Variants in PSMD6 observed in about 807,000 individuals in gnomAD.
The protein encoded by PSMD6 is 26S proteasome non-ATPase regulatory subunit 6.
Under a neutral mutation model 44.9 loss-of-function variants are expected in PSMD6, and 7 were observed. The ratio of observed to expected loss-of-function variants is 0.16; its 90% CI spans 0.09 to 0.29. The LOEUF (loss-of-function observed/expected upper bound fraction) is 0.29. Among genes scored for constraint, PSMD6 ranks in the 10% least tolerant of loss-of-function variants. The pLI, the probability that PSMD6 is intolerant of heterozygous loss-of-function variation, is 1.00. For synonymous variants in PSMD6, 184 were observed against 172.7 expected, an observed-to-expected ratio of 1.07 and a Z score of -0.51; for missense variants, 420 against 482.6, an observed-to-expected ratio of 0.87 and a Z score of 1.21.
chr3:64,011,566 T>TAAAACAAGGCCTTTTTAGGTAA (rs2075952136), intron 6 of PSMD6: 1 of 151,998 alleles, frequency 6.6e-6, no homozygotes, highest in Non-Finnish European at 1.5e-5. Flanking sequence ...CACAGAAATT[T>TAAAACAAGGCCTTTTTAGGTAA]AAAACAAGGC....
chr3:64,023,703 T>A, upstream of PSMD6: 4 of 1,482,694 alleles, frequency 2.7e-6, no homozygotes, highest in Non-Finnish European at 3.6e-6. Context: ...AATCTCTTTC[T>A]CACTCCCTTT....
chr3:64,013,727 C>T lies in PSMD6; in HGVS notation c.827-120G>A. The T allele has an allele frequency of 4.5e-6, 4 of 889,682 alleles. No individual in the cohort carries two copies. The South Asian group carries it at 9.1e-5, about 20-fold the overall frequency. The allele number at this position is 889,682 out of a possible 1,614,324, so 55.1% of individuals were successfully genotyped here. On this transcript the variant is annotated intron_variant, in intron 5 of 7. Transcript: ENST00000295901. ...AGATGAACAAGTATCAAATTTCTCACTGCCCTTCCACATCATGTCATCAAC... is the reference window on the plus strand; with the variant it reads ...AGATGAACAAGTATCAAATTTCTCATTGCCCTTCCACATCATGTCATCAAC...
chr3:64,023,144 A>G, intron 1 of PSMD6, 131 bp downstream of exon 1: 2 of 1,423,942 alleles, frequency 1.4e-6, no homozygotes, highest in Non-Finnish European at 1.8e-6. Context: ...TAAGGGCCGG[A>G]GAAGCCAGGC....
intron 1 of PSMD6, 173 bp from the exon 2 acceptor site, chr3:64,022,696 C>A: frequency 1.3e-6 from 2 of 1,537,004 alleles, no homozygotes; most frequent in Non-Finnish European, 1.7e-6. Context: ...TAAACGTATG[C>A]TGGTGGGAGG....
upstream of PSMD6, chr3:64,023,706 C>A: frequency 6.7e-7 from 1 of 1,483,862 alleles, no homozygotes; most frequent in Non-Finnish European, 9.0e-7. Flanking sequence ...CTCTTTCTCA[C>A]TCCCTTTTTA....
Position 64,013,571 on chromosome 3 carries a change from A to G in PSMD6, c.863T>C (p.Phe288Ser), listed in dbSNP as rs2075996141. Residue 288 changes from phenylalanine to serine, a missense_variant, in exon 6 of 8, where the codon TTT becomes TCT. Physicochemically the swap from Phe to Ser is radical, Grantham distance 155. Transcript: ENST00000295901. ...TACATAGTATCGATAATGAGGGGCAAAAAGCCAGTCCTTTTTCATTTCCTG... is the reference window on the plus strand; with the variant it reads ...TACATAGTATCGATAATGAGGGGCAGAAAGCCAGTCCTTTTTCATTTCCTG... ...VEQEMKKDWLFAPHYRYYVRE... is the reference protein window; with the variant it reads ...VEQEMKKDWLSAPHYRYYVRE... The G allele has an allele frequency of 6.2e-7, 1 of 1,611,336 alleles. No individual in the cohort carries two copies. The highest frequency in any genetic ancestry group is 8.5e-7 in the Non-Finnish European group (1 of 1,179,196).
chr3:64,013,115 T>TA (rs2075988046), intron 6 of PSMD6: 1 of 201,490 alleles, frequency 5.0e-6, no homozygotes, highest in East Asian at 1.2e-4. Context: ...ATATCAGATC[T>TA]AAGAGTCATT....
intron 6 of PSMD6, chr3:64,011,239 T>C: frequency 7.4e-6 from 2 of 268,972 alleles, no homozygotes; most frequent in Non-Finnish European, 1.4e-5. Flanking sequence ...TAGGAAAAAT[T>C]AGGGACCAAA....
intron 1 of PSMD6, 65 bp from the exon 2 acceptor site, chr3:64,022,588 C>G (rs985168476): frequency 1.2e-5 from 19 of 1,576,382 alleles, no homozygotes; most frequent in Non-Finnish European, 1.6e-5. Flanking sequence ...AGTCTGCCCA[C>G]GTATTTCACC....
intron 2 of PSMD6, 42 bp from the exon 3 acceptor site, chr3:64,019,483 GTTTCC>G: frequency 6.3e-7 from 1 of 1,578,142 alleles, no homozygotes; most frequent in Admixed American, 2.0e-5. Context: ...AAGGCTACAA[GTTTCC>G]AAAAAAAGCT....
chr3:64,017,139 G>A (rs1227084652), intron 5 of PSMD6: 1 of 152,378 alleles, frequency 6.6e-6, no homozygotes, highest in Non-Finnish European at 1.5e-5. Context: ...TGGTTGCCAG[G>A]GGCTGGGGGA....
intron 6 of PSMD6, 185 bp downstream of exon 6, chr3:64,013,254 A>AGACAT (rs1329026296): frequency 5.7e-6 from 3 of 529,272 alleles, no homozygotes; most frequent in Non-Finnish European, 6.5e-6. Flanking sequence ...TGCAAGGGGC[A>AGACAT]GACATGACAT....
intron 2 of PSMD6, 78 bp from the exon 3 acceptor site, chr3:64,019,519 T>C (rs112992441): frequency 6.8e-7 from 1 of 1,480,962 alleles, no homozygotes; most frequent in South Asian, 1.3e-5. Flanking sequence ...TGGGATTTTC[T>C]TCAAAGGTTG....
At position 64,018,973 on chromosome 3, in the gene PSMD6, A is replaced by G. The variant is rs1431860186; in HGVS notation, c.562T>C (p.Cys188Arg). 1 of 1,612,912 alleles carries G rather than the reference A, an allele frequency of 6.2e-7. No individual in the cohort carries two copies. Among genetic ancestry groups the G allele is most frequent in the Admixed American group, 1.7e-5 (1 of 60,008 alleles). ...TGTTTGAAATCACGAATAGCCACAC[A>G]ATAAAGACCCTGATACACTTTTAGG... Reference protein sequence around the residue: ...NRLKVYQGLYCVAIRDFKQAA... With the variant: ...NRLKVYQGLYRVAIRDFKQAA... The change falls in exon 4 of 8, where the codon TGT (cysteine) becomes CGT (arginine). Residue 188 changes from cysteine (C) to arginine (R), a missense_variant. By Grantham distance (180) the Cys-to-Arg change is radical (BLOSUM62 -3). Around this residue, in one of 4 missense-constraint regions of PSMD6, gnomAD observed 216 missense variants for 227.0 expected, o/e 0.95. Transcript: ENST00000295901.
chr3:64,023,250 G>A (rs1305601216), intron 1 of PSMD6, 25 bp downstream of exon 1: 2 of 1,545,638 alleles, frequency 1.3e-6, no homozygotes, highest in Non-Finnish European at 1.7e-6. Context: ...CTAGGCCGCT[G>A]ACTCGGCGCT....
In PSMD6 at chr3:64,010,878, C is replaced by CTGTT. The variant is rs1559671700; in HGVS notation, c.1069_1072dup (p.Arg358LysfsTer4). On this transcript the variant is annotated frameshift_variant and splice_region_variant, in exon 7 of 8. Transcript: ENST00000295901. LOFTEE classifies it high-confidence loss of function. ...CCCTTATTCTGAGAAATGAGAGTAC[C>CTGTT]TGTTGGTTTCTACTATTTCATTCAC... The CTGTT allele has an allele frequency of 6.2e-7, 1 of 1,605,432 alleles. No homozygotes were observed. The highest frequency in any genetic ancestry group is 8.5e-7 in the Non-Finnish European group (1 of 1,173,600).
chr3:64,016,262 A>G (rs1559675504), intron 5 of PSMD6: 1 of 152,150 alleles, frequency 6.6e-6, no homozygotes, highest in South Asian at 2.1e-4. Context: ...CTCAGGAAAA[A>G]TTTTATATGT....
At chr3:64,022,602 C>T (rs1479462239) in intron 1 of PSMD6, 79 bp from the exon 2 acceptor site, 1 of 1,541,578 alleles carries the variant, frequency 6.5e-7, no homozygotes, top group Non-Finnish European at 8.7e-7. Flanking sequence ...TTTCACCCCC[C>T]GCCCCGCCAC....
intron 5 of PSMD6, chr3:64,017,644 G>C (rs2076068460): frequency 6.6e-6 from 1 of 152,172 alleles, no homozygotes; most frequent in African/African-American, 2.4e-5. Flanking sequence ...CGGGAAACCT[G>C]TTCCTACATT....
Sources: gnomAD v4.1 joint callset for allele counts on GRCh38, gnomAD v4.1.1 for gene constraint, gnomAD v4.1.1 regional missense constraint, MANE v1.5 for transcripts, NCBI Gene and HGNC (gene_info 2026-07-23, HGNC 2026-07-21) for gene names.